Variants in DLC1 observed in about 807,000 individuals in gnomAD.
DLC1 encodes DLC1 Rho GTPase activating protein.
In DLC1, 54 loss-of-function variants were observed where a neutral mutation model predicts 140.3. That is an observed-to-expected ratio of 0.38 (90% confidence interval 0.31 to 0.48). The LOEUF (loss-of-function observed/expected upper bound fraction) is 0.48. Ranked by LOEUF, DLC1 falls within the 20% of genes least tolerant of loss-of-function variation. The probability of loss-of-function intolerance (pLI) is 0.96; values close to 1 mark genes in which losing one functional copy is unlikely to be tolerated. For synonymous variants in DLC1, 986 were observed against 728.1 expected (o/e 1.35, Z -5.70); for missense variants, 2,536 against 1,907.0 (o/e 1.33, Z -6.14).
chr8:13,373,923 G>A (rs533911261), intron 4 of DLC1, among the ~76,000 whole-genome samples: 5 of 152,086 alleles, frequency 3.3e-5, no homozygotes, highest in East Asian at 1.9e-4. Flanking sequence ...GTTAAAATCC[G>A]GTATTATTTC....
chr8:13,585,043 C>G (rs1679212938), intron 1 of DLC1, among the ~76,000 whole-genome samples: 1 of 152,146 alleles, frequency 6.6e-6, no homozygotes, highest in African/African-American at 2.4e-5. Context: ...TCCTGGAACT[C>G]TAAATACTAG....
intron 5 of DLC1, among the ~76,000 whole-genome samples, chr8:13,294,824 T>A (rs951924752): frequency 6.6e-6 from 1 of 152,178 alleles, no homozygotes; most frequent in Admixed American, 6.5e-5. Flanking sequence ...ACTTTGGGTA[T>A]CTTAGGGAGC....
At chr8:13,279,246 T>C (rs934939143) in intron 5 of DLC1, among the ~76,000 whole-genome samples, 3 of 152,226 alleles carry the variant, frequency 2.0e-5, no homozygotes, top group African/African-American at 7.2e-5. Flanking sequence ...CAACACACAC[T>C]GTTTAACAGT....
intron 5 of DLC1, among the ~76,000 whole-genome samples, chr8:13,153,987 G>C (rs1824046713): frequency 6.6e-6 from 1 of 151,746 alleles, no homozygotes; most frequent in Non-Finnish European, 1.5e-5. Context: ...TGATTGGTGT[G>C]TTTATAATCC....
intron 2 of DLC1, among the ~76,000 whole-genome samples, chr8:13,472,394 T>G (rs1387170667): frequency 6.6e-6 from 1 of 152,240 alleles, no homozygotes; most frequent in African/African-American, 2.4e-5. Context: ...GATATATTTC[T>G]GTTTTTATCC....
intron 1 of DLC1, among the ~76,000 whole-genome samples, chr8:13,529,083 A>G (rs10888063): frequency 1 from 151,970 of 152,332 alleles, 75,807 homozygotes; most frequent in Non-Finnish European, 1. Context: ...AGAAACCAAA[A>G]AACATACGAT....
intron 5 of DLC1, among the ~76,000 whole-genome samples, chr8:13,198,346 GC>G (rs2117054928): frequency 6.6e-6 from 1 of 152,206 alleles, no homozygotes; most frequent in South Asian, 2.1e-4. Flanking sequence ...ATTTACAAAG[GC>G]AAAGGAGAGA....
chr8:13,437,530 T>C (rs1452414964), intron 2 of DLC1, among the ~76,000 whole-genome samples: 1 of 152,238 alleles, frequency 6.6e-6, no homozygotes, highest in Non-Finnish European at 1.5e-5. Flanking sequence ...ATTAATTCTA[T>C]GTTTATGTCT....
At chr8:13,397,794 G>T (rs544411130) in intron 3 of DLC1, among the ~76,000 whole-genome samples, 3 of 151,968 alleles carry the variant, frequency 2.0e-5, no homozygotes, top group South Asian at 4.2e-4. Context: ...TATTGTGCCA[G>T]TGCACTCCAG....
intron 5 of DLC1, among the ~76,000 whole-genome samples, chr8:13,189,077 G>C (rs1266425456): frequency 6.6e-6 from 1 of 151,760 alleles, no homozygotes; most frequent in African/African-American, 2.4e-5. Flanking sequence ...GTTAGATTTA[G>C]ACTCAACAAA....
intron 1 of DLC1, among the ~76,000 whole-genome samples, chr8:13,577,570 G>T (rs1481729151): frequency 2.0e-5 from 3 of 152,074 alleles, no homozygotes; most frequent in Non-Finnish European, 4.4e-5. Flanking sequence ...TTTGCCAATT[G>T]TTCCATCTCA....
intron 4 of DLC1, among the ~76,000 whole-genome samples, chr8:13,349,856 C>G (rs1338202145): frequency 6.6e-6 from 1 of 152,134 alleles, no homozygotes; most frequent in East Asian, 1.9e-4. Flanking sequence ...AAGTGAGTTG[C>G]ACTTTAGATA....
At chr8:13,257,487 A>C (rs901514175) in intron 5 of DLC1, among the ~76,000 whole-genome samples, 1 of 151,758 alleles carries the variant, frequency 6.6e-6, no homozygotes, top group African/African-American at 2.4e-5. Context: ...GCATTGAACA[A>C]GTGAATATCA....
At chr8:13,276,767 G>T in intron 5 of DLC1, 2 of 195,174 alleles carry the variant, frequency 1.0e-5, no homozygotes, top group Non-Finnish European at 1.8e-5. Flanking sequence ...GTGACCTCGC[G>T]TTTTCAAAGG....
intron 2 of DLC1, among the ~76,000 whole-genome samples, chr8:13,456,945 G>A (rs1799418111): frequency 6.6e-6 from 1 of 152,170 alleles, no homozygotes; most frequent in African/African-American, 2.4e-5. Context: ...TGGTCAAATG[G>A]TGCCCTCTTA....
At chr8:13,515,007 A>G (rs1802537718), upstream of DLC1, 1 of 196,870 alleles carries the variant, frequency 5.1e-6, no homozygotes, top group Non-Finnish European at 1.0e-5. Context: ...GATTTTACAC[A>G]GAACTCAAGT....
chr8:13,450,993 C>G (rs1466473402), intron 2 of DLC1, among the ~76,000 whole-genome samples: 1 of 116,744 alleles, frequency 8.6e-6, no homozygotes, highest in South Asian at 2.9e-4. Context: ...GAGCCAAGAT[C>G]GTGTCACTGC....
At chr8:13,357,449 C>G (rs961345193) in intron 4 of DLC1, among the ~76,000 whole-genome samples, 9 of 152,176 alleles carry the variant, frequency 5.9e-5, no homozygotes, top group Non-Finnish European at 1.0e-4. Context: ...AGGCCTGAGC[C>G]CCAGCACGTT....
intron 5 of DLC1, chr8:13,276,686 A>C: frequency 2.4e-5 from 22 of 904,552 alleles, no homozygotes; most frequent in Admixed American, 5.4e-5. Context: ...GTGCAACCCA[A>C]TGACTCACCT....
Sources: allele counts gnomAD v4.1 joint callset (sites outside exome capture counted in the v4.1 genomes callset), GRCh38; gene constraint gnomAD v4.1.1; transcripts MANE v1.5; gene names NCBI Gene and HGNC (gene_info 2026-07-23, HGNC 2026-07-21).